The following ATP1B1 variants were observed in gnomAD, a reference collection of about 807,000 sequenced individuals.
The protein encoded by ATP1B1 is ATPase Na+/K+ transporting subunit beta 1, also known as sodium/potassium-transporting ATPase subunit beta-1.
Under a neutral mutation model 39.6 loss-of-function variants are expected in ATP1B1, and 3 were observed. That is an observed-to-expected ratio of 0.08 (90% CI 0.03 to 0.20). ATP1B1 has a LOEUF of 0.20. ATP1B1 is among the 10% of genes least tolerant of loss of function. The pLI is 1.00. For missense variants in ATP1B1, 216 were observed against 371.1 expected (o/e 0.58, Z 3.43); for synonymous variants, 139 against 135.0 (o/e 1.03, Z -0.20).
chr1:169,128,389 A>G (rs1418260765), intron 4 of ATP1B1, among the ~76,000 whole-genome samples: 7 of 152,184 alleles, frequency 4.6e-5, no homozygotes, highest in Non-Finnish European at 8.8e-5. Flanking sequence ...CATGAATAAT[A>G]TTTTCAAAAG....
Position 169,131,585 on chromosome 1 carries a change from T to C in ATP1B1, c.*30T>C, listed in dbSNP as rs762008881. ...AAGCACAAATCTTTCCCACTAGCCA[T>C]TTAATAAGTTAAAAAAAGATACAAA... On this transcript the variant is annotated 3_prime_UTR_variant, in exon 6 of 6. Transcript: ENST00000367815. This position sits in a 1 kb window ranked among gnomAD's most constrained non-coding sequence, Gnocchi z 4.4. The C allele has an allele frequency of 1.1e-5, 18 of 1,580,454 alleles. No homozygotes were observed. The highest frequency in any genetic ancestry group is 1.9e-5 in the Admixed American group (1 of 52,464).
Position 169,131,708 on chromosome 1 carries a change from A to T in ATP1B1, c.*153A>T. The T allele has an allele frequency of 3.4e-6, 3 of 888,074 alleles. No homozygotes were observed. The highest frequency in any genetic ancestry group is 3.3e-6 in the Non-Finnish European group (2 of 609,982). 55.0% of individuals were successfully genotyped at this position (888,074 alleles called of 1,614,324 possible). The stretch of plus-strand genomic sequence containing the variant: ...AGCTTTCTGCATTTAATAGGTTAGA[A>T]TGTAAATTAAAGTGTAGCAATAGCA... On this transcript the variant is annotated 3_prime_UTR_variant, in exon 6 of 6. Coordinates refer to ENST00000367815, the MANE Select transcript of ATP1B1 (RefSeq NM_001677.4). The surrounding 1 kb of genome is among the most constrained non-coding windows in gnomAD (Gnocchi z 4.4).
intron 3 of ATP1B1, 29 bp from the exon 4 acceptor site, chr1:169,127,193 TAC>T (rs754589009): frequency 6.5e-7 from 1 of 1,549,106 alleles, no homozygotes; most frequent in Non-Finnish European, 8.6e-7. Context: ...GAATTGCTGG[TAC>T]AATATAAAAG....
At chr1:169,129,296 T>C (rs1017893985) in intron 4 of ATP1B1, among the ~76,000 whole-genome samples, 99 of 152,200 alleles carry the variant, frequency 6.5e-4, no homozygotes, top group African/African-American at 2.1e-3. Context: ...CAGCGAAGTA[T>C]GTTCATCACA....
chr1:169,108,396 C>CCCTGTAACTTGTAACTTGAGGGAGCT (rs1355865528), intron 1 of ATP1B1, among the ~76,000 whole-genome samples: 2 of 152,066 alleles, frequency 1.3e-5, no homozygotes, highest in African/African-American at 4.8e-5. Flanking sequence ...ATGAACAGCT[C>CCCTGTAACTTGTAACTTGAGGGAGCT]CCTGGCAACT....
intron 2 of ATP1B1, among the ~76,000 whole-genome samples, chr1:169,120,728 A>C (rs1215426254): frequency 6.6e-6 from 1 of 152,196 alleles, no homozygotes; most frequent in Non-Finnish European, 1.5e-5. Flanking sequence ...TTAGATCATG[A>C]GCTATGCTTA....
chr1:169,120,340 G>A (rs1024922970), intron 2 of ATP1B1, among the ~76,000 whole-genome samples: 18 of 152,246 alleles, frequency 1.2e-4, no homozygotes, highest in African/African-American at 4.1e-4. Flanking sequence ...CAAAAGCTCT[G>A]TATCTTAAAT....
chr1:169,127,444 T>G, intron 4 of ATP1B1, 36 bp downstream of exon 4: 1 of 1,566,510 alleles, frequency 6.4e-7, no homozygotes, highest in Admixed American at 1.8e-5. Context: ...TTTAGATGAG[T>G]CATTTACACT....
chr1:169,127,200 T>C, intron 3 of ATP1B1, 24 bp from the exon 4 acceptor site: 2 of 1,558,420 alleles, frequency 1.3e-6, no homozygotes, highest in Non-Finnish European at 1.7e-6. Flanking sequence ...TGGTACAATA[T>C]AAAAGTTGTG....
intron 2 of ATP1B1, among the ~76,000 whole-genome samples, chr1:169,124,151 T>C (rs1007988652): frequency 2.0e-5 from 3 of 152,206 alleles, no homozygotes; most frequent in African/African-American, 7.2e-5. Context: ...GGAAGTCTCA[T>C]GAAGGCAGCG....
At chr1:169,119,817 T>C (rs952470083) in intron 2 of ATP1B1, among the ~76,000 whole-genome samples, 1 of 152,134 alleles carries the variant, frequency 6.6e-6, no homozygotes, top group Non-Finnish European at 1.5e-5. Context: ...ACATTGTAAG[T>C]TGGGAACTGT....
At chr1:169,117,118 T>C (rs1657865543) in intron 2 of ATP1B1, among the ~76,000 whole-genome samples, 1 of 152,162 alleles carries the variant, frequency 6.6e-6, no homozygotes, top group Admixed American at 6.5e-5. Flanking sequence ...GTAAGGTGTT[T>C]CCAGTTAGAA....
Position 169,106,780 on chromosome 1 carries a change from C to A in ATP1B1, c.-50C>A. The A allele has an allele frequency of 6.7e-7, 1 of 1,494,936 alleles. No homozygotes were observed. Among genetic ancestry groups the A allele is most frequent in the Non-Finnish European group, 9.0e-7 (1 of 1,107,634 alleles). 92.6% of individuals were successfully genotyped at this position (1,494,936 alleles called of 1,614,324 possible). A position where few individuals can be genotyped will look rare whatever the true frequency, so the allele number is the denominator to read the frequency against. ...GGCGCAGAGGACGCCAGGGCGCGCG[C>A]CGCAGCCACCCACCCTCCGGACCGC... On this transcript the variant is annotated 5_prime_UTR_variant, in exon 1 of 6. Coordinates refer to ENST00000367815, the MANE Select transcript of ATP1B1 (RefSeq NM_001677.4).
chr1:169,125,058 G>A lies in ATP1B1; in HGVS notation c.382+19G>A. The A allele has an allele frequency of 6.3e-7, 1 of 1,577,516 alleles. No individual in the cohort carries two copies. Among genetic ancestry groups the A allele is most frequent in the South Asian group, 1.2e-5 (1 of 85,150 alleles). ...TGTGGCGGTAAGTAGACTCATTGTA[G>A]ATGTCTGTGGCTAGTTTTCTTTCTC... On this transcript the variant is annotated intron_variant, in intron 3 of 5. Coordinates refer to ENST00000367815, the MANE Select transcript of ATP1B1 (RefSeq NM_001677.4).
intron 2 of ATP1B1, among the ~76,000 whole-genome samples, chr1:169,119,733 G>A (rs1017072945): frequency 2.6e-5 from 4 of 152,082 alleles, no homozygotes; most frequent in East Asian, 1.9e-4. Flanking sequence ...ATTGTAAGTC[G>A]AAAATACTGT....
Position 169,119,979 on chromosome 1 carries a change from TGAGAA to T in ATP1B1, c.227-4901_227-4897del, listed in dbSNP as rs578139286. ...ATCTAGTTGCTTTAGAGAAATAACT[TGAGAA>T]GAGGAATTTTTCTAATCTTTGGAGA... On this transcript the variant is annotated intron_variant, in intron 2 of 5. Transcript: ENST00000367815. Among the ~76,000 whole-genome samples, 342 of 151,992 alleles carry T rather than the reference TGAGAA, an allele frequency of 2.3e-3. 1 individual carries two copies. Among genetic ancestry groups the T allele is most frequent in the Non-Finnish European group, 3.5e-3 (236 of 67,978 alleles).
At chr1:169,124,175 A>G (rs1052072169) in intron 2 of ATP1B1, among the ~76,000 whole-genome samples, 1 of 152,198 alleles carries the variant, frequency 6.6e-6, no homozygotes. Context: ...TTTGGATATT[A>G]AAGAATGTAA....
At chr1:169,118,653 A>C (rs1209096150) in intron 2 of ATP1B1, among the ~76,000 whole-genome samples, 2 of 152,234 alleles carry the variant, frequency 1.3e-5, no homozygotes, top group Admixed American at 1.3e-4. Context: ...GTGCGTATGC[A>C]TACATATGTG....
In ATP1B1 at chr1:169,131,502, G is replaced by C; in HGVS notation, c.859G>C (p.Glu287Gln). Residue 287 changes from glutamate (E) to glutamine (Q), a missense_variant, in exon 6 of 6, where the codon GAG (glutamate) becomes CAG (glutamine). Glu to Gln is a conservative substitution (Grantham distance 29). Coordinates refer to ENST00000367815, the MANE Select transcript of ATP1B1 (RefSeq NM_001677.4). The surrounding 1 kb of genome is among the most constrained non-coding windows in gnomAD (Gnocchi z 4.4). ...KAYGENIGYS[E>Q]KDRFQGRFDV... The stretch of plus-strand genomic sequence containing the variant: ...GTACGGTGAGAACATTGGGTACAGT[G>C]AGAAAGACCGTTTTCAGGGACGTTT... The C allele has an allele frequency of 6.2e-7, 1 of 1,614,058 alleles. No individual in the cohort carries two copies. Among genetic ancestry groups the C allele is most frequent in the Non-Finnish European group, 8.5e-7 (1 of 1,180,004 alleles).
Sources: gnomAD v4.1 joint callset for allele counts (sites outside exome capture counted in the v4.1 genomes callset) on GRCh38, gnomAD v4.1.1 for gene constraint, Gnocchi (gnomAD v3.1) non-coding constraint, MANE v1.5 for transcripts, NCBI Gene and HGNC (gene_info 2026-07-23, HGNC 2026-07-21) for gene names.